The following MYRF variants were observed in gnomAD, a reference collection of about 807,000 sequenced individuals.
The protein encoded by MYRF is myelin regulatory factor, also known as myelin gene regulatory factor.
In MYRF, 16 loss-of-function variants were observed where a neutral mutation model predicts 126.3. The ratio of observed to expected loss-of-function variants is 0.13; its 90% CI spans 0.09 to 0.19. The LOEUF (loss-of-function observed/expected upper bound fraction) is 0.19, where lower values mean the gene tolerates loss of function less well. MYRF is among the 10% of genes least tolerant of loss of function. The probability of loss-of-function intolerance (pLI) is 1.00; values close to 1 mark genes in which losing one functional copy is unlikely to be tolerated. For missense variants in MYRF, 1,104 were observed against 1,547.0 expected (o/e 0.71, Z 4.80); for synonymous variants, 608 against 635.3 (o/e 0.96, Z 0.65).
chr11:61,784,516 CTG>C, intron 25 of MYRF, 131 bp downstream of exon 25: 1 of 707,400 alleles, frequency 1.4e-6, no homozygotes, highest in Non-Finnish European at 2.3e-6. Flanking sequence ...AAGGGACACT[CTG>C]GGGCCTGGGC....
rs567304151 is a variant in MYRF at position 61,776,267 on chromosome 11, G to A, written c.1389-55G>A. The A allele has an allele frequency of 2.5e-4, 400 of 1,573,050 alleles. 5 individuals carry two copies. The African/African-American group carries it at 5.0e-3, about 20-fold the overall frequency. ...GCTGGCCTGGGTGCCCCTCAGTGGC[G>A]TGGCTCTTGCAGCCTCCCTCCCTGC... On this transcript the variant is annotated intron_variant, in intron 9 of 26. Coordinates refer to ENST00000278836, the MANE Select transcript of MYRF (RefSeq NM_001127392.3). The surrounding 1 kb of genome is among the most constrained non-coding windows in gnomAD (Gnocchi z 4.3).
intron 1 of MYRF, among the ~76,000 whole-genome samples, chr11:61,753,284 C>A (rs891510222): frequency 6.6e-6 from 1 of 151,868 alleles, no homozygotes; most frequent in Admixed American, 6.6e-5. Context: ...ACCAAGACCC[C>A]CTGTGTGCCC....
In MYRF at chr11:61,766,054, C is replaced by A; in HGVS notation, c.231C>A (p.Pro77=). The A allele has an allele frequency of 6.2e-7, 1 of 1,603,328 alleles. No homozygotes were observed. Among genetic ancestry groups the A allele is most frequent in the East Asian group, 2.2e-5 (1 of 44,636 alleles). ...PGSSGVHHLS[P]PGGGPSPGRH... ...CCAGCGGGGTCCACCACCTGAGCCC[C>A]CCTGGGGGTGGACCCTCCCCGGGGC... Residue 77 remains proline, a synonymous_variant, in exon 3 of 27, where the codon CCC becomes CCA. Transcript: ENST00000278836.
rs201089731 is a variant in MYRF at position 61,766,006 on chromosome 11, C to T, written c.183C>T (p.His61=). Residue 61 remains histidine, a synonymous_variant, in exon 3 of 27, where the codon CAC becomes CAT. Coordinates refer to ENST00000278836, the MANE Select transcript of MYRF (RefSeq NM_001127392.3). The part of the protein sequence containing the change: ...SAPASSASYS[H]GQPAMPGSSG... ...CAGCCAGCTCGGCCTCCTACTCCCACGGGCAGCCTGCGATGCCTGGCTCCA... is the reference window on the plus strand; with the variant it reads ...CAGCCAGCTCGGCCTCCTACTCCCATGGGCAGCCTGCGATGCCTGGCTCCA... 31 of 1,579,842 alleles carry T rather than the reference C, an allele frequency of 2.0e-5. No individual in the cohort carries two copies. Among genetic ancestry groups the T allele is most frequent in the Middle Eastern group, 1.7e-4 (1 of 5,924 alleles).
In MYRF at chr11:61,786,329, G is replaced by A. The variant is rs920949377; in HGVS notation, c.*186G>A. 15 of 630,354 alleles carry A rather than the reference G, an allele frequency of 2.4e-5. 1 individual carries two copies. Among genetic ancestry groups the A allele is most frequent in the South Asian group, 1.9e-4 (10 of 52,396 alleles). The allele number at this position is 630,354 out of a possible 1,614,324, so 39.0% of individuals were successfully genotyped here. On this transcript the variant is annotated 3_prime_UTR_variant, in exon 27 of 27. Transcript: ENST00000278836. This position sits in a 1 kb window ranked among gnomAD's most constrained non-coding sequence, Gnocchi z 4.5. The stretch of plus-strand genomic sequence containing the variant: ...GCTGTTCCAGCTGGTCGCCCCTCAC[G>A]GCACAGAGGGAACCTGAGAGCCAGA...
At position 61,772,955 on chromosome 11, in the gene MYRF, G is replaced by A. The variant is rs369955544; in HGVS notation, c.1115+1003G>A. On this transcript the variant is annotated intron_variant, in intron 7 of 26. Transcript: ENST00000278836. Reference sequence around the variant, plus strand: ...TGGGCACTCCTGTGACCACTCTTGTGCCTGGGGACCTGAGTGAGGGTGCGC... The same window carrying A: ...TGGGCACTCCTGTGACCACTCTTGTACCTGGGGACCTGAGTGAGGGTGCGC... 2.0e-4 allele frequency among the ~76,000 whole-genome samples: 30 copies of A among 152,078 alleles called. No homozygotes were observed. In the East Asian group the frequency reaches 5.4e-3, roughly 27 times the overall value.
rs767347456 is a variant in MYRF, at chr11:61,757,409, G to C, written c.46+4619G>C. 6 of 451,358 alleles carry C rather than the reference G, an allele frequency of 1.3e-5. No individual in the cohort carries two copies. The highest frequency in any genetic ancestry group is 9.3e-5 in the South Asian group (6 of 64,370). 28.0% of individuals were successfully genotyped at this position (451,358 alleles called of 1,614,324 possible). ...TGTAATGGCAGGGCCTCCGTCCCAG[G>C]GTTTCTGGGGTGATTAGGTAAGATT... is the stretch of plus-strand genomic sequence containing the variant. On this transcript the variant is annotated intron_variant, in intron 1 of 26. Transcript: ENST00000278836. The surrounding 1 kb of genome is among the most constrained non-coding windows in gnomAD (Gnocchi z 4.7).
chr11:61,753,520 C>T (rs1351502338), intron 1 of MYRF, among the ~76,000 whole-genome samples: 1 of 152,076 alleles, frequency 6.6e-6, no homozygotes, highest in Non-Finnish European at 1.5e-5. Context: ...CACCGGTCAC[C>T]TCTGCTCTCT....
In MYRF at chr11:61,781,119, C is replaced by T; in HGVS notation, c.2573-19C>T. On this transcript the variant is annotated intron_variant, in intron 20 of 26. Coordinates refer to ENST00000278836, the MANE Select transcript of MYRF (RefSeq NM_001127392.3). ...GTCTTTGGGGCTTCTCTGGCTCATACAGCCTCTGGCCTCCTCAGTGACCAC... is the reference window on the plus strand; with the variant it reads ...GTCTTTGGGGCTTCTCTGGCTCATATAGCCTCTGGCCTCCTCAGTGACCAC... 6.2e-7 allele frequency: 1 copy of T among 1,612,516 alleles called. No homozygotes were observed. The highest frequency in any genetic ancestry group is 8.5e-7 in the Non-Finnish European group (1 of 1,179,822).
chr11:61,776,052 A>G lies in MYRF; in HGVS notation c.1312-4A>G. 2.5e-6 allele frequency: 4 copies of G among 1,613,848 alleles called. No individual in the cohort carries two copies. The highest frequency in any genetic ancestry group is 3.4e-6 in the Non-Finnish European group (4 of 1,179,892). ...TGAGGTGCCACTGGCTTCACTCCCCACAGCTGGAGGCCCTGAACCAGTCCA... is the reference window on the plus strand; with the variant it reads ...TGAGGTGCCACTGGCTTCACTCCCCGCAGCTGGAGGCCCTGAACCAGTCCA... On this transcript the variant is annotated splice_region_variant and splice_polypyrimidine_tract_variant and intron_variant, in intron 8 of 26. Coordinates refer to ENST00000278836, the MANE Select transcript of MYRF (RefSeq NM_001127392.3). This position sits in a 1 kb window ranked among gnomAD's most constrained non-coding sequence, Gnocchi z 4.3.
At chr11:61,779,606 G>T (rs755270602) in intron 16 of MYRF, 36 bp downstream of exon 16, 1 of 1,463,438 alleles carries the variant, frequency 6.8e-7, no homozygotes, top group South Asian at 1.4e-5. Context: ...GGGTTGGAAA[G>T]GGGGCCTCCC....
chr11:61,766,255 G>A, intron 3 of MYRF, 34 bp downstream of exon 3: 1 of 1,564,384 alleles, frequency 6.4e-7, no homozygotes, highest in South Asian at 1.2e-5. Flanking sequence ...GGATACAGCG[G>A]CATAGGGGCA....
chr11:61,777,580 G>A lies in MYRF; in HGVS notation c.1791+116G>A. 1 of 1,391,004 alleles carries A rather than the reference G, an allele frequency of 7.2e-7. No homozygotes were observed. The highest frequency in any genetic ancestry group is 1.3e-5 in the South Asian group (1 of 74,438). 86.2% of individuals were successfully genotyped at this position (1,391,004 alleles called of 1,614,324 possible). On this transcript the variant is annotated intron_variant, in intron 12 of 26. Transcript: ENST00000278836. This position sits in a 1 kb window ranked among gnomAD's most constrained non-coding sequence, Gnocchi z 8.8. ...AAAGGCGGAGCTGCGGGGGAAGGAA[G>A]GGAGGGAGGCTGGCCTCGAATCCCG...
chr11:61,752,733 G>A lies in MYRF; in HGVS notation c.-12G>A, dbSNP rs2135642384. On this transcript the variant is annotated 5_prime_UTR_variant, in exon 1 of 27. Coordinates refer to ENST00000278836, the MANE Select transcript of MYRF (RefSeq NM_001127392.3). ...GGGGCCGCGGCTGGAGTGTGCGCCG[G>A]GCAGGCGGGACATGGAGGTGGTGGA... is the stretch of plus-strand genomic sequence containing the variant. 2 of 1,456,992 alleles carry A rather than the reference G, an allele frequency of 1.4e-6. No homozygotes were observed. The highest frequency in any genetic ancestry group is 1.4e-5 in the South Asian group (1 of 73,908). 90.3% of individuals were successfully genotyped at this position (1,456,992 alleles called of 1,614,324 possible).
chr11:61,766,037 G>A lies in MYRF; in HGVS notation c.214G>A (p.Val72Ile). 1.3e-6 allele frequency: 2 copies of A among 1,597,608 alleles called. No homozygotes were observed. The highest frequency in any genetic ancestry group is 1.7e-6 in the Non-Finnish European group (2 of 1,174,562). The change falls in exon 3 of 27, where the codon GTC becomes ATC. Residue 72 changes from valine (V) to isoleucine (I), a missense_variant. Around this residue, in one of 10 missense-constraint regions of MYRF, gnomAD observed 368 missense variants for 403.9 expected, o/e 0.91. Transcript: ENST00000278836. The stretch of plus-strand genomic sequence containing the variant: ...GCCTGCGATGCCTGGCTCCAGCGGG[G>A]TCCACCACCTGAGCCCCCCTGGGGG... ...GQPAMPGSSG[V>I]HHLSPPGGGP...
Position 61,769,261 on chromosome 11 carries a change from A to T in MYRF, c.400A>T (p.Thr134Ser). The part of the protein sequence containing the change: ...AEPKAPYAPG[T>S]LPDSPPDSGS... ...GGCCCCTTCCCCTGGCTCTCGCAGC[A>T]CACTGCCGGACTCTCCCCCAGACTC... Residue 134 changes from threonine to serine, a missense_variant and splice_region_variant, in exon 4 of 27, where the codon ACA (threonine) becomes TCA (serine). Transcript: ENST00000278836. 1.2e-6 allele frequency: 2 copies of T among 1,600,600 alleles called. No individual in the cohort carries two copies. The highest frequency in any genetic ancestry group is 8.5e-7 in the Non-Finnish European group (1 of 1,174,036).
intron 1 of MYRF, among the ~76,000 whole-genome samples, chr11:61,760,911 C>T (rs775318858): frequency 5.9e-5 from 9 of 152,136 alleles, no homozygotes; most frequent in Non-Finnish European, 1.0e-4. Flanking sequence ...CTGCTACCAC[C>T]CTGGCCCTCA....
chr11:61,780,887 C>T, intron 19 of MYRF, 73 bp from the exon 20 acceptor site: 1 of 1,592,332 alleles, frequency 6.3e-7, no homozygotes, highest in Non-Finnish European at 8.5e-7. Context: ...CCTCCTGCCT[C>T]TCCAGGACTG....
Position 61,776,086 on chromosome 11 carries a change from G to A in MYRF, c.1342G>A (p.Glu448Lys), listed in dbSNP as rs2066374146. The A allele has an allele frequency of 6.2e-7, 1 of 1,613,896 alleles. No individual in the cohort carries two copies. The highest frequency in any genetic ancestry group is 8.5e-7 in the Non-Finnish European group (1 of 1,179,976). The change falls in exon 9 of 27, where the codon GAG becomes AAG. Residue 448 changes from glutamate to lysine, a missense_variant. This residue lies in a region of MYRF where 1 missense variants were observed against 18.1 expected (regional missense o/e 0.06). Transcript: ENST00000278836. The surrounding 1 kb of genome is among the most constrained non-coding windows in gnomAD (Gnocchi z 4.3). Reference sequence around the variant, plus strand: ...GGCCCTGAACCAGTCCATTAACATCGAGCAGTCCCAGTCAGACCGGAGCAA... The same window carrying A: ...GGCCCTGAACCAGTCCATTAACATCAAGCAGTCCCAGTCAGACCGGAGCAA... ...LEALNQSINI[E>K]QSQSDRSKRP...
Sources: allele counts gnomAD v4.1 joint callset (sites outside exome capture counted in the v4.1 genomes callset), GRCh38; gene constraint gnomAD v4.1.1; regional missense constraint gnomAD v4.1.1; non-coding constraint Gnocchi (gnomAD v3.1); transcripts MANE v1.5; gene names NCBI Gene and HGNC (gene_info 2026-07-23, HGNC 2026-07-21).